Variants in ARHGAP6 observed in about 807,000 individuals in gnomAD.
ARHGAP6 encodes the protein Rho GTPase activating protein 6, also known as rho GTPase-activating protein 6.
In ARHGAP6, 16 loss-of-function variants were observed where a neutral mutation model predicts 55.7. The observed-to-expected ratio is 0.29, with a 90% CI of 0.19 to 0.44. ARHGAP6 has a LOEUF of 0.44. Ranked by LOEUF, ARHGAP6 falls within the 20% of genes least tolerant of loss-of-function variation. The pLI is 1.00. For synonymous variants in ARHGAP6, 382 were observed against 360.9 expected, an observed-to-expected ratio of 1.06 and a Z score of -0.66; for missense variants, 698 against 808.9, an observed-to-expected ratio of 0.86 and a Z score of 1.66.
intron 1 of ARHGAP6, among the ~76,000 whole-genome samples, chrX:11,620,166 T>C: frequency 8.9e-6 from 1 of 111,905 alleles, no homozygotes; most frequent in Non-Finnish European, 1.9e-5. Flanking sequence ...ATAAAGCAGG[T>C]TTATGGAGGC....
At chrX:11,241,531 CGT>C (rs55815640) in intron 2 of ARHGAP6, among the ~76,000 whole-genome samples, 25,907 of 91,229 alleles carry the variant, frequency 0.28, 3,045 homozygotes, top group African/African-American at 0.33. Context: ...ATGCTGGATA[CGT>C]GTGTGTGTGT....
At chrX:11,339,891 G>C (rs1381951918) in intron 1 of ARHGAP6, among the ~76,000 whole-genome samples, 1 of 111,957 alleles carries the variant, frequency 8.9e-6, no homozygotes, top group Non-Finnish European at 1.9e-5. Flanking sequence ...CCACCCAGTT[G>C]CTCAAGCAAG....
At chrX:11,613,084 G>A (rs758042579) in intron 1 of ARHGAP6, among the ~76,000 whole-genome samples, 1 of 112,258 alleles carries the variant, frequency 8.9e-6, no homozygotes, top group South Asian at 3.7e-4. Context: ...ATTTTCTCTG[G>A]GACCTTCCAT....
rs759706193 is a variant in ARHGAP6, at chrX:11,527,240, A to G, written c.588+137001T>C. Among the ~76,000 whole-genome samples, 4 of 111,769 alleles carry G rather than the reference A, an allele frequency of 3.6e-5. No individual in the cohort carries two copies. In the East Asian group the frequency reaches 1.1e-3, roughly 31 times the overall value. On this transcript the variant is annotated intron_variant, in intron 1 of 12. Transcript: ENST00000337414. ...AAGCCTGAGTTTCCATATCTGTAAA[A>G]CAAGCTTTTTAATATATCCTTCTTC...
At chrX:11,427,794 CG>C in intron 1 of ARHGAP6, 1 of 734,300 alleles carries the variant, frequency 1.4e-6, no homozygotes, top group African/African-American at 2.6e-5. Flanking sequence ...GAGAAGGCAG[CG>C]GCGCGAAGGG....
At chrX:11,357,528 T>G (rs5935030) in intron 1 of ARHGAP6, among the ~76,000 whole-genome samples, 5,768 of 111,651 alleles carry the variant, frequency 0.052, 143 homozygotes, top group African/African-American at 0.096. Context: ...TTTATTGTTC[T>G]CCAAATTTTA....
At chrX:11,522,187 C>T (rs1203069862) in intron 1 of ARHGAP6, among the ~76,000 whole-genome samples, 4 of 111,344 alleles carry the variant, frequency 3.6e-5, no homozygotes, top group Non-Finnish European at 5.7e-5. Flanking sequence ...TTGAAACCAA[C>T]GAGAACAAAG....
chrX:11,488,346 T>C (rs2050531854), intron 1 of ARHGAP6, among the ~76,000 whole-genome samples: 1 of 112,046 alleles, frequency 8.9e-6, no homozygotes, highest in African/African-American at 3.2e-5. Flanking sequence ...GGGCATCAGG[T>C]TGGAAACTTA....
At chrX:11,223,580 G>A (rs1357751444) in intron 2 of ARHGAP6, among the ~76,000 whole-genome samples, 1 of 111,580 alleles carries the variant, frequency 9.0e-6, no homozygotes, top group African/African-American at 3.3e-5. Context: ...TGTCTTCAAC[G>A]TTTAGTCTGT....
At chrX:11,225,653 A>T in intron 2 of ARHGAP6, 1 of 536,742 alleles carries the variant, frequency 1.9e-6, no homozygotes, top group Non-Finnish European at 2.9e-6. Context: ...ATCACTTTTT[A>T]GTTTTGTGCT....
intron 1 of ARHGAP6, among the ~76,000 whole-genome samples, chrX:11,471,149 C>T (rs1041705346): frequency 9.0e-6 from 1 of 111,643 alleles, no homozygotes; most frequent in African/African-American, 3.3e-5. Context: ...ATTATCTGTA[C>T]AATCTTTGCA....
intron 1 of ARHGAP6, among the ~76,000 whole-genome samples, chrX:11,258,299 G>A (rs1237594780): frequency 9.1e-6 from 1 of 109,435 alleles, no homozygotes; most frequent in Non-Finnish European, 1.9e-5. Flanking sequence ...AGATGCTAGA[G>A]AATAAACTGG....
At chrX:11,580,305 T>C (rs1395536793) in intron 1 of ARHGAP6, among the ~76,000 whole-genome samples, 1 of 112,166 alleles carries the variant, frequency 8.9e-6, no homozygotes. Context: ...CTGGAAATAA[T>C]ATACCTTTAT....
chrX:11,390,545 A>C (rs2049389819), intron 1 of ARHGAP6, among the ~76,000 whole-genome samples: 1 of 111,263 alleles, frequency 9.0e-6, no homozygotes, highest in Non-Finnish European at 1.9e-5. Context: ...AATGGGAGAA[A>C]ATTTTTGCAA....
chrX:11,574,255 A>T (rs1164918369), intron 1 of ARHGAP6, among the ~76,000 whole-genome samples: 6 of 111,378 alleles, frequency 5.4e-5, no homozygotes, highest in African/African-American at 9.8e-5. Context: ...TACCAAAGCC[A>T]GGCAGAGACA....
chrX:11,403,781 G>A (rs1475906620), intron 1 of ARHGAP6, among the ~76,000 whole-genome samples: 3 of 112,008 alleles, frequency 2.7e-5, no homozygotes, highest in Non-Finnish European at 5.6e-5. Flanking sequence ...CTGCCTTCTT[G>A]GCAAAATCTG....
chrX:11,369,832 A>T (rs926492990), intron 1 of ARHGAP6, among the ~76,000 whole-genome samples: 64 of 112,111 alleles, frequency 5.7e-4, no homozygotes, highest in African/African-American at 2.0e-3. Context: ...ACTTGTTTAG[A>T]TAAATATCAA....
At chrX:11,499,595 G>C (rs867727976) in intron 1 of ARHGAP6, among the ~76,000 whole-genome samples, 4 of 112,051 alleles carry the variant, frequency 3.6e-5, no homozygotes, top group South Asian at 3.7e-4. Flanking sequence ...CCTCTCCAAA[G>C]AGCAAAGGTT....
intron 1 of ARHGAP6, among the ~76,000 whole-genome samples, chrX:11,339,617 T>G (rs1374150036): frequency 9.0e-6 from 1 of 110,882 alleles, no homozygotes; most frequent in African/African-American, 3.3e-5. Context: ...CGTTAATATA[T>G]CAAAATATAA....
Sources: allele counts gnomAD v4.1 joint callset (sites outside exome capture counted in the v4.1 genomes callset), GRCh38; gene constraint gnomAD v4.1.1; transcripts MANE v1.5; gene names NCBI Gene and HGNC (gene_info 2026-07-23, HGNC 2026-07-21).